The following SNTB2 variants were observed in gnomAD, a reference collection of about 807,000 sequenced individuals.
SNTB2 encodes the protein syntrophin beta 2.
In SNTB2, 34 loss-of-function variants were observed where a neutral mutation model predicts 46.2. The observed-to-expected ratio is 0.74, with a 90% CI of 0.56 to 0.98. The LOEUF (loss-of-function observed/expected upper bound fraction) is 0.98. Ranked by LOEUF, SNTB2 falls within the 50% of genes least tolerant of loss-of-function variation. SNTB2 has a pLI of 0.00. For missense variants in SNTB2, 603 were observed against 731.4 expected (o/e 0.82, Z 2.02); for synonymous variants, 290 against 312.6 (o/e 0.93, Z 0.76).
At position 69,250,317 on chromosome 16, in the gene SNTB2, T is replaced by A. The variant is rs112231954; in HGVS notation, c.794+4502T>A. On this transcript the variant is annotated intron_variant, in intron 2 of 6. Coordinates refer to ENST00000336278, the MANE Select transcript of SNTB2 (RefSeq NM_006750.4). Reference sequence around the variant, plus strand: ...TTGGCAGAAAAAATGTACAGAACCATTAACTAATTAGACCTCAGTTATGAG... The same window carrying A: ...TTGGCAGAAAAAATGTACAGAACCAATAACTAATTAGACCTCAGTTATGAG... 3.5e-4 allele frequency among the ~76,000 whole-genome samples: 53 copies of A among 152,290 alleles called. 1 individual carries two copies. Among genetic ancestry groups the A allele is most frequent in the African/African-American group, 1.0e-3 (43 of 41,544 alleles).
intron 1 of SNTB2, among the ~76,000 whole-genome samples, chr16:69,197,304 A>G (rs1424308361): frequency 6.6e-6 from 1 of 152,094 alleles, no homozygotes; most frequent in East Asian, 1.9e-4. Context: ...GGGACATGGA[A>G]TAGGTGTGGG....
At chr16:69,262,652 A>G (rs1964845297) in intron 3 of SNTB2, among the ~76,000 whole-genome samples, 1 of 151,812 alleles carries the variant, frequency 6.6e-6, no homozygotes, top group African/African-American at 2.4e-5. Flanking sequence ...AACATTTAAA[A>G]TTTTTTATTT....
At chr16:69,252,635 CAGG>C (rs1018086592) in intron 2 of SNTB2, among the ~76,000 whole-genome samples, 1 of 152,176 alleles carries the variant, frequency 6.6e-6, no homozygotes, top group Admixed American at 6.5e-5. Context: ...CTTTGCTAAA[CAGG>C]AGAAGTAAAG....
chr16:69,300,929 C>T lies in SNTB2; in HGVS notation c.*5C>T. On this transcript the variant is annotated 3_prime_UTR_variant, in exon 7 of 7. Coordinates refer to ENST00000336278, the MANE Select transcript of SNTB2 (RefSeq NM_006750.4). ...CGTATGGGACTGCTTGTATGAGCAA[C>T]AAAAAATCAGAAAAGAGCCTTGACT... 3.2e-6 allele frequency: 5 copies of T among 1,553,610 alleles called. No individual in the cohort carries two copies. The highest frequency in any genetic ancestry group is 4.4e-6 in the Non-Finnish European group (5 of 1,129,698).
intron 2 of SNTB2, among the ~76,000 whole-genome samples, chr16:69,250,454 C>A (rs113439050): frequency 6.6e-6 from 1 of 152,144 alleles, no homozygotes; most frequent in Non-Finnish European, 1.5e-5. Flanking sequence ...TTAAATAAGA[C>A]AATATTAACT....
chr16:69,246,418 A>G (rs1964670639), intron 2 of SNTB2, among the ~76,000 whole-genome samples: 1 of 150,792 alleles, frequency 6.6e-6, no homozygotes, highest in African/African-American at 2.5e-5. Flanking sequence ...AGCCCACTTG[A>G]TTATGGTGGA....
chr16:69,241,726 T>TA (rs1221081894), intron 1 of SNTB2: 1 of 151,700 alleles, frequency 6.6e-6, no homozygotes, highest in Non-Finnish European at 1.5e-5. Context: ...GCTCACCAAT[T>TA]AGAGACCAGC....
At chr16:69,255,209 C>T (rs1597188560) in intron 2 of SNTB2, among the ~76,000 whole-genome samples, 4 of 152,078 alleles carry the variant, frequency 2.6e-5, no homozygotes, top group East Asian at 3.9e-4. Flanking sequence ...GAGATCTTCC[C>T]GCCTCAGCCT....
Position 69,231,821 on chromosome 16 carries a change from C to G in SNTB2, c.581-13781C>G, listed in dbSNP as rs74025398. Among the ~76,000 whole-genome samples the G allele has an allele frequency of 7.0e-3, 1,067 of 152,226 alleles. 9 individuals carry two copies. The highest frequency in any genetic ancestry group is 0.023 in the African/African-American group (942 of 41,540). ...ACAAAAACATTTCAAAATGCCAACT[C>G]AAGATATTTAAAACATTTTTTATAA... On this transcript the variant is annotated intron_variant, in intron 1 of 6. Transcript: ENST00000336278.
chr16:69,187,404 G>T lies in SNTB2; in HGVS notation c.238G>T (p.Gly80Cys). 1 of 1,265,144 alleles carries T rather than the reference G, an allele frequency of 7.9e-7. No homozygotes were observed. Among genetic ancestry groups the T allele is most frequent in the South Asian group, 2.7e-5 (1 of 37,516 alleles). The allele number at this position is 1,265,144 out of a possible 1,614,324, so 78.4% of individuals were successfully genotyped here. The change falls in exon 1 of 7, where the codon GGC becomes TGC. Residue 80 changes from glycine (G) to cysteine (C), a missense_variant. Gly to Cys is a radical substitution (Grantham distance 159). Transcript: ENST00000336278. ...CGGCCTCCCAAACGGCGGCGGCGCG[G>T]GCGACTCGCTGCCCGGGAGCCCAAG... ...FNGLPNGGGA[G>C]DSLPGSPSRG... is the part of the protein sequence containing the mutation.
At chr16:69,264,230 A>C (rs1964864053) in intron 3 of SNTB2, among the ~76,000 whole-genome samples, 1 of 152,166 alleles carries the variant, frequency 6.6e-6, no homozygotes, top group Admixed American at 6.5e-5. Flanking sequence ...GGGGCAAAAA[A>C]GTCAGGGTTT....
chr16:69,256,211 G>A (rs543426091), intron 2 of SNTB2, among the ~76,000 whole-genome samples: 2 of 152,162 alleles, frequency 1.3e-5, no homozygotes, highest in Admixed American at 1.3e-4. Context: ...GTAGAGATGG[G>A]TTCTCACTTT....
intron 2 of SNTB2, among the ~76,000 whole-genome samples, chr16:69,251,154 A>G (rs950195566): frequency 5.3e-5 from 8 of 150,384 alleles, no homozygotes; most frequent in African/African-American, 1.9e-4. Flanking sequence ...AATTTTTTGT[A>G]TTTTTAGTAG....
At chr16:69,275,156 T>C (rs1217309100) in intron 4 of SNTB2, among the ~76,000 whole-genome samples, 1 of 151,616 alleles carries the variant, frequency 6.6e-6, no homozygotes, top group Non-Finnish European at 1.5e-5. Context: ...CACTGTAACC[T>C]CAAACTCCTG....
rs151084528 is a variant in SNTB2, at chr16:69,266,332, C to T, written c.1006-3811C>T. ...TGATCCGAGATGGGGCCATTGTCCT[C>T]CAGCCTGGGCAACAGAGTGAGAGTC... On this transcript the variant is annotated intron_variant, in intron 3 of 6. Coordinates refer to ENST00000336278, the MANE Select transcript of SNTB2 (RefSeq NM_006750.4). Among the ~76,000 whole-genome samples the T allele has an allele frequency of 7.5e-3, 1,148 of 152,236 alleles. 15 individuals are homozygous for T. The highest frequency in any genetic ancestry group is 0.025 in the African/African-American group (1,032 of 41,540).
intron 1 of SNTB2, among the ~76,000 whole-genome samples, chr16:69,239,970 T>C (rs2152296146): frequency 6.6e-6 from 1 of 152,342 alleles, no homozygotes; most frequent in Non-Finnish European, 1.5e-5. Context: ...TTTGTTCCTT[T>C]TTATTTCTGA....
intron 5 of SNTB2, among the ~76,000 whole-genome samples, chr16:69,287,260 A>G (rs1965112637): frequency 6.6e-6 from 1 of 152,092 alleles, no homozygotes; most frequent in African/African-American, 2.4e-5. Flanking sequence ...GGACAAAATG[A>G]AAACCTTTAT....
At chr16:69,193,793 C>T (rs1358440225) in intron 1 of SNTB2, among the ~76,000 whole-genome samples, 2 of 152,150 alleles carry the variant, frequency 1.3e-5, no homozygotes, top group African/African-American at 2.4e-5. Flanking sequence ...AGACAGGTCT[C>T]GGGACTTCAG....
intron 5 of SNTB2, among the ~76,000 whole-genome samples, chr16:69,284,901 C>A (rs774777204): frequency 3.9e-5 from 6 of 151,984 alleles, no homozygotes; most frequent in Non-Finnish European, 7.4e-5. Flanking sequence ...AGAGTGAGAC[C>A]CTGTTTCAAA....
Sources: gnomAD v4.1 joint callset for allele counts (sites outside exome capture counted in the v4.1 genomes callset) on GRCh38, gnomAD v4.1.1 for gene constraint, MANE v1.5 for transcripts, NCBI Gene and HGNC (gene_info 2026-07-23, HGNC 2026-07-21) for gene names.